The following GLT6D1 variants were observed in gnomAD, a reference collection of about 807,000 sequenced individuals.
GLT6D1 encodes glycosyltransferase 6 domain containing 1.
In GLT6D1, 9 loss-of-function variants were observed where a neutral mutation model predicts 12.3. The observed-to-expected ratio is 0.73, with a 90% CI of 0.44 to 1.27. The LOEUF (loss-of-function observed/expected upper bound fraction) is 1.27. Ranked by LOEUF, GLT6D1 falls within the 50% of genes most tolerant of loss-of-function variation. The probability of loss-of-function intolerance (pLI) is 0.00; values close to 1 mark genes in which losing one functional copy is unlikely to be tolerated. For synonymous variants in GLT6D1, 128 were observed against 132.3 expected, an observed-to-expected ratio of 0.97 and a Z score of 0.23; for missense variants, 335 against 346.2, an observed-to-expected ratio of 0.97 and a Z score of 0.26.
chr9:135,627,144 T>C (rs1833541424), intron 3 of GLT6D1, among the ~76,000 whole-genome samples: 1 of 151,444 alleles, frequency 6.6e-6, no homozygotes, highest in African/African-American at 2.4e-5. Flanking sequence ...GGCAAGAAAA[T>C]GAAATAAAAG....
chr9:135,633,480 C>T (rs1019363718), intron 2 of GLT6D1, among the ~76,000 whole-genome samples: 6 of 152,032 alleles, frequency 3.9e-5, no homozygotes, highest in African/African-American at 1.4e-4. Flanking sequence ...GTCTCAAACT[C>T]CTGACTTCAG....
At chr9:135,635,425 C>T (rs11103115) in intron 2 of GLT6D1, among the ~76,000 whole-genome samples, 31,844 of 152,144 alleles carry the variant, frequency 0.21, 3,827 homozygotes, top group South Asian at 0.31. Context: ...AAGCCTTGGT[C>T]GCTTTCCTGG....
chr9:135,627,871 TTTATACATCA>T (rs1833555174), intron 3 of GLT6D1, among the ~76,000 whole-genome samples: 1 of 152,190 alleles, frequency 6.6e-6, no homozygotes, highest in South Asian at 2.1e-4. Context: ...TTTATACATC[TTTATACATCA>T]TAGAGAGTGA....
At chr9:135,626,473 C>T (rs993875624) in intron 3 of GLT6D1, among the ~76,000 whole-genome samples, 13 of 152,188 alleles carry the variant, frequency 8.5e-5, no homozygotes, top group African/African-American at 2.9e-4. Context: ...ATCCAGCCTA[C>T]CTGGCTCCTG....
chr9:135,627,085 G>A (rs978315926), intron 3 of GLT6D1, among the ~76,000 whole-genome samples: 1 of 152,152 alleles, frequency 6.6e-6, no homozygotes, highest in Non-Finnish European at 1.5e-5. Context: ...CTACAATGAG[G>A]AACGTGGCAG....
chr9:135,627,483 G>T (rs1218432207), intron 3 of GLT6D1, among the ~76,000 whole-genome samples: 5 of 152,176 alleles, frequency 3.3e-5, no homozygotes, highest in Non-Finnish European at 7.3e-5. Context: ...TCTACTTTCT[G>T]TCTCTGTAGA....
intron 2 of GLT6D1, among the ~76,000 whole-genome samples, chr9:135,633,881 C>T (rs11103111): frequency 0.44 from 67,436 of 151,926 alleles, 15,355 homozygotes; most frequent in East Asian, 0.59. Context: ...GCATTTCTTA[C>T]CAAATAATGA....
intron 2 of GLT6D1, among the ~76,000 whole-genome samples, chr9:135,638,597 A>T (rs1037820862): frequency 1.3e-5 from 2 of 152,132 alleles, no homozygotes; most frequent in African/African-American, 4.8e-5. Flanking sequence ...TTTATTGTCT[A>T]CCTTCTCCAA....
At chr9:135,637,997 A>G (rs1276076281) in intron 2 of GLT6D1, among the ~76,000 whole-genome samples, 1 of 152,226 alleles carries the variant, frequency 6.6e-6, no homozygotes, top group Non-Finnish European at 1.5e-5. Flanking sequence ...AAATATTAGC[A>G]GGTGTATTAG....
At chr9:135,625,537 A>G (rs1833490310) in intron 4 of GLT6D1, among the ~76,000 whole-genome samples, 2 of 152,160 alleles carry the variant, frequency 1.3e-5, no homozygotes, top group Non-Finnish European at 2.9e-5. Context: ...CTAAGATAAA[A>G]CTTTACTAGT....
intron 2 of GLT6D1, among the ~76,000 whole-genome samples, chr9:135,637,241 C>T (rs964542271): frequency 3.3e-5 from 5 of 150,372 alleles, no homozygotes; most frequent in East Asian, 1.9e-4. Context: ...TCGTCTTGTT[C>T]GTTTCTGGTT....
rs768073886 is a variant in GLT6D1 at position 135,639,117 on chromosome 9, C to G, written c.71G>C (p.Arg24Thr). Reference protein sequence around the residue: ...FSLMLVERYFRNHQVEELRLS... With the variant: ...FSLMLVERYFTNHQVEELRLS... Reference sequence around the variant, plus strand: ...TGATTTATCAATACTTTATATTTACCTGAAATAACGCTCAACCAACATCAG... The same window carrying G: ...TGATTTATCAATACTTTATATTTACGTGAAATAACGCTCAACCAACATCAG... Residue 24 changes from arginine (R) to threonine (T), a missense_variant and splice_region_variant, in exon 2 of 5, where the codon AGG (arginine) becomes ACG (threonine). Arg to Thr is a moderately conservative substitution (Grantham distance 71). Transcript: ENST00000371763. 6.6e-7 allele frequency: 1 copy of G among 1,522,578 alleles called. No individual in the cohort carries two copies. The highest frequency in any genetic ancestry group is 1.4e-5 in the African/African-American group (1 of 72,756). The allele number at this position is 1,522,578 out of a possible 1,614,324, so 94.3% of individuals were successfully genotyped here.
At position 135,626,210 on chromosome 9, in the gene GLT6D1, T is replaced by C; in HGVS notation, c.120-4A>G. On this transcript the variant is annotated splice_region_variant and splice_polypyrimidine_tract_variant and intron_variant, in intron 3 of 4. Coordinates refer to ENST00000371763, the MANE Select transcript of GLT6D1 (RefSeq NM_182974.3). ...CGTTATAACATCAGGGCGTTTTCTG[T>C]GGAACAAGAACCAAGTTAAACAGGG... 1 of 1,613,388 alleles carries C rather than the reference T, an allele frequency of 6.2e-7. No homozygotes were observed. The highest frequency in any genetic ancestry group is 8.5e-7 in the Non-Finnish European group (1 of 1,179,768).
intron 3 of GLT6D1, among the ~76,000 whole-genome samples, chr9:135,630,188 G>A (rs1299953857): frequency 2.0e-5 from 3 of 151,918 alleles, no homozygotes; most frequent in Admixed American, 1.3e-4. Context: ...GGTGGATCAC[G>A]AGGTCAGGAG....
chr9:135,638,251 A>G (rs1396715828), intron 2 of GLT6D1, among the ~76,000 whole-genome samples: 2 of 152,200 alleles, frequency 1.3e-5, no homozygotes, highest in East Asian at 3.8e-4. Flanking sequence ...ACCAGCCCCC[A>G]TGATTCAATT....
chr9:135,632,311 T>C (rs568893595), intron 2 of GLT6D1, among the ~76,000 whole-genome samples: 2 of 152,090 alleles, frequency 1.3e-5, no homozygotes, highest in African/African-American at 4.8e-5. Context: ...TTTTAAATTA[T>C]TTGTAGAGAC....
chr9:135,629,271 A>T (rs1319024247), intron 3 of GLT6D1, among the ~76,000 whole-genome samples: 2 of 152,126 alleles, frequency 1.3e-5, no homozygotes, highest in Non-Finnish European at 2.9e-5. Flanking sequence ...TAAATTTCTC[A>T]GTAAGCACTG....
intron 3 of GLT6D1, among the ~76,000 whole-genome samples, chr9:135,629,534 G>C (rs1362499756): frequency 6.6e-6 from 1 of 152,040 alleles, no homozygotes; most frequent in Non-Finnish European, 1.5e-5. Context: ...GCAACATATG[G>C]CTTATCCTGG....
intron 2 of GLT6D1, among the ~76,000 whole-genome samples, chr9:135,638,050 A>T (rs2151378): frequency 0.23 from 34,491 of 152,164 alleles, 4,069 homozygotes; most frequent in Non-Finnish European, 0.27. Flanking sequence ...AAGACTGGGA[A>T]GAAAAAGAGG....
Sources: allele counts gnomAD v4.1 joint callset (sites outside exome capture counted in the v4.1 genomes callset), GRCh38; gene constraint gnomAD v4.1.1; transcripts MANE v1.5; gene names NCBI Gene and HGNC (gene_info 2026-07-23, HGNC 2026-07-21).